The following BCL11B variants were observed in gnomAD, a reference collection of about 807,000 sequenced individuals.
BCL11B encodes the protein B-cell lymphoma/leukemia 11B.
Under a neutral mutation model 49.9 loss-of-function variants are expected in BCL11B, and 8 were observed. That is an observed-to-expected ratio of 0.16 (90% CI 0.09 to 0.29). The LOEUF is 0.29. Ranked by LOEUF, BCL11B falls within the 10% of genes least tolerant of loss-of-function variation. The pLI is 1.00. For synonymous variants in BCL11B, 739 were observed against 637.4 expected, an observed-to-expected ratio of 1.16 and a Z score of -2.40; for missense variants, 1,006 against 1,351.0, an observed-to-expected ratio of 0.74 and a Z score of 4.00.
At chr14:99,217,142 G>A (rs1024057437) in intron 3 of BCL11B, among the ~76,000 whole-genome samples, 5 of 151,672 alleles carry the variant, frequency 3.3e-5, no homozygotes, top group Non-Finnish European at 4.4e-5. Context: ...ACACAAATAC[G>A]TATGTATATG....
rs2139752883 is a variant in BCL11B, at chr14:99,174,328, G to A, written c.2508C>T (p.Ser836=). Residue 836 remains serine, a synonymous_variant, in exon 4 of 4, where the codon AGC becomes AGT. Coordinates refer to ENST00000357195, the MANE Select transcript of BCL11B (RefSeq NM_138576.4). ...CELCNYACAQ[S]SKLTRHMKTH... The stretch of plus-strand genomic sequence containing the variant: ...TCTTCATGTGGCGCGTGAGCTTGCT[G>A]CTCTGCGCGCACGCGTAGTTGCACA... 1 of 1,613,408 alleles carries A rather than the reference G, an allele frequency of 6.2e-7. No homozygotes were observed. The highest frequency in any genetic ancestry group is 8.5e-7 in the Non-Finnish European group (1 of 1,179,984).
chr14:99,246,416 C>G (rs1888839529), intron 2 of BCL11B, among the ~76,000 whole-genome samples: 1 of 152,216 alleles, frequency 6.6e-6, no homozygotes, highest in Admixed American at 6.5e-5. Flanking sequence ...GGGCGCAAGG[C>G]CGTGGGCGAA....
At chr14:99,249,661 G>A (rs919117398) in intron 2 of BCL11B, among the ~76,000 whole-genome samples, 3 of 152,234 alleles carry the variant, frequency 2.0e-5, no homozygotes, top group Admixed American at 2.0e-4. Context: ...CCTACTCACC[G>A]CTGTGTGACC....
At position 99,171,997 on chromosome 14, in the gene BCL11B, C is replaced by T. The variant is rs1051079625; in HGVS notation, c.*2154G>A. ...CGTCACCAAAAGAAAACAATATACA[C>T]GCGGCCACTGTGGCATTTTTGTATA... On this transcript the variant is annotated 3_prime_UTR_variant, in exon 4 of 4. Transcript: ENST00000357195. 4 of 206,632 alleles carry T rather than the reference C, an allele frequency of 1.9e-5. No individual in the cohort carries two copies. The highest frequency in any genetic ancestry group is 6.0e-5 in the Admixed American group (1 of 16,806). 12.8% of individuals were successfully genotyped at this position (206,632 alleles called of 1,614,324 possible). A position where few individuals can be genotyped will look rare whatever the true frequency, so the allele number is the denominator to read the frequency against.
chr14:99,241,073 C>G lies in BCL11B; in HGVS notation c.428-9516G>C, dbSNP rs1436605090. The stretch of plus-strand genomic sequence containing the variant: ...CAGAGCTGATGTGCTGGACCTCAGA[C>G]AGAATTGACTGCAGAAACCCTGCAA... On this transcript the variant is annotated intron_variant, in intron 2 of 3. Coordinates refer to ENST00000357195, the MANE Select transcript of BCL11B (RefSeq NM_138576.4). This position sits in a 1 kb window ranked among gnomAD's most constrained non-coding sequence, Gnocchi z 4.4. Among the ~76,000 whole-genome samples the G allele has an allele frequency of 1.3e-5, 2 of 152,032 alleles. No homozygotes were observed. The highest frequency in any genetic ancestry group is 1.9e-4 in the East Asian group (1 of 5,192).
intron 3 of BCL11B, among the ~76,000 whole-genome samples, chr14:99,220,297 G>A (rs187220621): frequency 3.9e-5 from 6 of 152,282 alleles, no homozygotes; most frequent in East Asian, 3.9e-4. Flanking sequence ...GTCCACCCAC[G>A]TTCTTAGCTG....
chr14:99,225,169 A>G (rs1027366435), intron 3 of BCL11B, among the ~76,000 whole-genome samples: 1 of 152,222 alleles, frequency 6.6e-6, no homozygotes, highest in African/African-American at 2.4e-5. Context: ...CTGGTTTTCA[A>G]TAAAAACTCA....
chr14:99,217,385 G>GACACAC (rs112404818), intron 3 of BCL11B, among the ~76,000 whole-genome samples: 53 of 131,126 alleles, frequency 4.0e-4, no homozygotes, highest in African/African-American at 1.4e-3. Context: ...CACACATACA[G>GACACAC]ACACACACAC....
chr14:99,214,392 CA>C, intron 3 of BCL11B, among the ~76,000 whole-genome samples: 1 of 152,010 alleles, frequency 6.6e-6, no homozygotes, highest in East Asian at 1.9e-4. Context: ...CCTGTCTCTA[CA>C]AAAAATTTTA....
At chr14:99,182,945 G>A (rs1886750348) in intron 3 of BCL11B, among the ~76,000 whole-genome samples, 1 of 152,194 alleles carries the variant, frequency 6.6e-6, no homozygotes, top group African/African-American at 2.4e-5. Context: ...TGTGTGTTCT[G>A]CTGAGAACTT....
rs189703095 is a variant in BCL11B at position 99,260,584 on chromosome 14, C to A, written c.59-2745G>T. ...GGTCACACGTGCCTGTTCGCAAGCA[C>A]CCCTCCTCCTCAGCTTCGTCTTTTG... On this transcript the variant is annotated intron_variant, in intron 1 of 3. Transcript: ENST00000357195. Among the ~76,000 whole-genome samples the A allele has an allele frequency of 5.3e-5, 8 of 152,136 alleles. No homozygotes were observed. The East Asian group carries it at 1.4e-3, about 26-fold the overall frequency.
intron 1 of BCL11B, chr14:99,264,642 A>G (rs1369396791): frequency 6.6e-6 from 1 of 152,108 alleles, no homozygotes; most frequent in Admixed American, 6.5e-5. Context: ...GAATTTCTTG[A>G]TTTTCAGCAA....
intron 3 of BCL11B, among the ~76,000 whole-genome samples, chr14:99,190,466 C>T (rs1034367168): frequency 1.3e-5 from 2 of 152,226 alleles, no homozygotes; most frequent in Non-Finnish European, 2.9e-5. Flanking sequence ...CCAGCCTGGG[C>T]GACAGAGCGA....
intron 2 of BCL11B, among the ~76,000 whole-genome samples, chr14:99,239,507 C>A (rs1438784296): frequency 3.3e-5 from 5 of 152,118 alleles, no homozygotes; most frequent in Non-Finnish European, 2.9e-5. Flanking sequence ...CAGATATGTT[C>A]CTATTTCTTC....
intron 3 of BCL11B, among the ~76,000 whole-genome samples, chr14:99,193,373 A>G (rs956963252): frequency 6.6e-6 from 1 of 152,246 alleles, no homozygotes; most frequent in Non-Finnish European, 1.5e-5. Context: ...ATGCTTTTCA[A>G]TAAGTGCTTG....
At chr14:99,199,683 T>TGTGTGTGTGTGTGTGCGCGCGCGC (rs759599743) in intron 3 of BCL11B, among the ~76,000 whole-genome samples, 10 of 73,730 alleles carry the variant, frequency 1.4e-4, no homozygotes, top group African/African-American at 3.4e-4. Flanking sequence ...TGTGTGTGTG[T>TGTGTGTGTGTGTGTGCGCGCGCGC]GCGCGCGCGC....
At position 99,271,318 on chromosome 14, in the gene BCL11B, G is replaced by T. The variant is rs1366817928; in HGVS notation, c.-100C>A. 14 of 728,804 alleles carry T rather than the reference G, an allele frequency of 1.9e-5. 2 individuals carry two copies. The East Asian group carries it at 5.4e-4, about 28-fold the overall frequency. 45.1% of individuals were successfully genotyped at this position (728,804 alleles called of 1,614,324 possible). ...CCGCCGCGCCGCTGCCGCCGCTGCCGCCGCCGCCGCCGCCGCCGCACCTCC... is the reference window on the plus strand; with the variant it reads ...CCGCCGCGCCGCTGCCGCCGCTGCCTCCGCCGCCGCCGCCGCCGCACCTCC... On this transcript the variant is annotated 5_prime_UTR_variant, in exon 1 of 4. Transcript: ENST00000357195.
chr14:99,264,501 T>TA (rs1195662419), intron 1 of BCL11B: 1 of 151,892 alleles, frequency 6.6e-6, no homozygotes, highest in Non-Finnish European at 1.5e-5. Context: ...GAGAGGATTT[T>TA]TTTTTTCTTT....
At chr14:99,179,848 T>C (rs557919673) in intron 3 of BCL11B, among the ~76,000 whole-genome samples, 2 of 152,330 alleles carry the variant, frequency 1.3e-5, no homozygotes, top group Admixed American at 6.5e-5. Context: ...ACTCCATGGT[T>C]ATCTCTTGCC....
Sources: allele counts gnomAD v4.1 joint callset (sites outside exome capture counted in the v4.1 genomes callset), GRCh38; gene constraint gnomAD v4.1.1; non-coding constraint Gnocchi (gnomAD v3.1); transcripts MANE v1.5; gene names NCBI Gene and HGNC (gene_info 2026-07-23, HGNC 2026-07-21).